SLIT2: variants seen among roughly 807,000 people sequenced by gnomAD.
SLIT2 encodes the protein slit guidance ligand 2.
SLIT2 carries 41 observed loss-of-function variants against 185.7 expected under a neutral mutation model. That is an observed-to-expected ratio of 0.22 (90% CI 0.17 to 0.29). The LOEUF (loss-of-function observed/expected upper bound fraction) is 0.29, where lower values mean the gene tolerates loss of function less well. SLIT2 is among the 10% of genes least tolerant of loss of function. SLIT2 has a pLI of 1.00. For synonymous variants in SLIT2, 693 were observed against 680.2 expected (o/e 1.02, Z -0.29); for missense variants, 1,571 against 1,909.0 (o/e 0.82, Z 3.30).
chr4:20,343,291 A>G lies in SLIT2; in HGVS notation c.395+74410A>G, dbSNP rs1055861993. 5.9e-5 allele frequency among the ~76,000 whole-genome samples: 9 copies of G among 152,042 alleles called. No individual in the cohort carries two copies. The East Asian group carries it at 1.7e-3, about 29-fold the overall frequency. On this transcript the variant is annotated intron_variant, in intron 4 of 36. Coordinates refer to ENST00000504154, the MANE Select transcript of SLIT2 (RefSeq NM_004787.4). ...ATTACTTCGTGGGGTCAACATTTTT[A>G]GCTCCCACATATAAATGAGAACATG...
intron 4 of SLIT2, among the ~76,000 whole-genome samples, chr4:20,349,866 A>G (rs912682963): frequency 2.0e-5 from 3 of 152,160 alleles, no homozygotes; most frequent in African/African-American, 4.8e-5. Flanking sequence ...TGCACTACAC[A>G]TCTTTCTGTC....
At chr4:20,563,215 A>G (rs182210181) in intron 26 of SLIT2, among the ~76,000 whole-genome samples, 5 of 151,912 alleles carry the variant, frequency 3.3e-5, no homozygotes, top group African/African-American at 9.7e-5. Context: ...TCTCTTAATC[A>G]AAACCAAATC....
intron 4 of SLIT2, among the ~76,000 whole-genome samples, chr4:20,451,233 A>C (rs1712436710): frequency 6.6e-6 from 1 of 152,150 alleles, no homozygotes; most frequent in South Asian, 2.1e-4. Context: ...ACTCAGTCAC[A>C]CTTAGTGATG....
intron 9 of SLIT2, 95 bp downstream of exon 9, chr4:20,491,994 T>A: frequency 1.7e-6 from 2 of 1,198,192 alleles, no homozygotes; most frequent in Admixed American, 2.1e-5. Flanking sequence ...AAGGCACATC[T>A]GATCAATTGG....
intron 4 of SLIT2, among the ~76,000 whole-genome samples, chr4:20,368,661 C>T (rs1274658982): frequency 2.0e-5 from 3 of 152,056 alleles, no homozygotes; most frequent in Non-Finnish European, 4.4e-5. Context: ...AATTTGGACT[C>T]TCAGTCTAGT....
intron 29 of SLIT2, chr4:20,573,130 A>C: frequency 1.5e-6 from 1 of 686,572 alleles, no homozygotes; most frequent in South Asian, 1.5e-5. Context: ...TTGCTCGCCC[A>C]CCCCTGCTTC....
intron 4 of SLIT2, among the ~76,000 whole-genome samples, chr4:20,309,292 G>A (rs66478358): frequency 0.24 from 36,231 of 151,850 alleles, 5,245 homozygotes; most frequent in East Asian, 0.6. Context: ...ACCAATTATA[G>A]CATTCTTTGC....
Position 20,401,239 on chromosome 4 carries a change from G to A in SLIT2, c.396-66513G>A, listed in dbSNP as rs184130273. ...ATGTCTCAATCACCACAAGGACACT[G>A]TCTTGAAAGAACGTTGTCTCTCCAT... On this transcript the variant is annotated intron_variant, in intron 4 of 36. Transcript: ENST00000504154. Among the ~76,000 whole-genome samples, 4 of 151,992 alleles carry A rather than the reference G, an allele frequency of 2.6e-5. No homozygotes were observed. In the East Asian group the frequency reaches 7.8e-4, roughly 30 times the overall value.
chr4:20,433,654 C>G (rs2109510226), intron 4 of SLIT2, among the ~76,000 whole-genome samples: 2 of 152,276 alleles, frequency 1.3e-5, no homozygotes, highest in African/African-American at 4.8e-5. Context: ...AATAGTAATT[C>G]AGGGCCATGT....
chr4:20,396,561 G>C (rs1490531102), intron 4 of SLIT2, among the ~76,000 whole-genome samples: 1 of 151,702 alleles, frequency 6.6e-6, no homozygotes, highest in Non-Finnish European at 1.5e-5. Context: ...GTACAGATAA[G>C]TGAAAAGAGT....
intron 9 of SLIT2, among the ~76,000 whole-genome samples, chr4:20,497,364 C>T (rs1028559650): frequency 3.9e-5 from 6 of 151,944 alleles, no homozygotes; most frequent in Admixed American, 3.9e-4. Context: ...ACTCTCAAGC[C>T]CATGGTCCTA....
intron 27 of SLIT2, 61 bp downstream of exon 27, chr4:20,567,447 A>G: frequency 6.2e-7 from 1 of 1,611,122 alleles, no homozygotes; most frequent in Non-Finnish European, 8.5e-7. Flanking sequence ...GTGTGCCTTT[A>G]TTATTCTACT....
chr4:20,322,787 C>A (rs1719213335), intron 4 of SLIT2, among the ~76,000 whole-genome samples: 1 of 152,086 alleles, frequency 6.6e-6, no homozygotes, highest in Admixed American at 6.6e-5. Flanking sequence ...CACAGGACTT[C>A]TTTATAGGTT....
At chr4:20,361,772 ATTTTAT>A (rs537441546) in intron 4 of SLIT2, among the ~76,000 whole-genome samples, 206 of 152,202 alleles carry the variant, frequency 1.4e-3, no homozygotes, top group Admixed American at 1.8e-3. Flanking sequence ...CTCTAAGTAT[ATTTTAT>A]TTTTAATTTT....
At chr4:20,534,253 T>C (rs520535) in intron 18 of SLIT2, among the ~76,000 whole-genome samples, 51,169 of 152,074 alleles carry the variant, frequency 0.34, 8,832 homozygotes, top group Middle Eastern at 0.44. Context: ...ACTACTGTTT[T>C]TTGCCCCTGC....
At chr4:20,345,028 C>G (rs540922129) in intron 4 of SLIT2, among the ~76,000 whole-genome samples, 1 of 152,136 alleles carries the variant, frequency 6.6e-6, no homozygotes, top group East Asian at 1.9e-4. Context: ...GTCATACCCA[C>G]CATTAATTAT....
intron 4 of SLIT2, among the ~76,000 whole-genome samples, chr4:20,385,440 A>G: frequency 6.6e-6 from 1 of 152,140 alleles, no homozygotes. Context: ...GGAGATGTGA[A>G]TATATCAGTG....
At chr4:20,431,950 T>G (rs1217949018) in intron 4 of SLIT2, among the ~76,000 whole-genome samples, 1 of 152,028 alleles carries the variant, frequency 6.6e-6, no homozygotes, top group Non-Finnish European at 1.5e-5. Flanking sequence ...TCTCTCTCTC[T>G]TTCTCTTTCT....
chr4:20,393,150 T>C (rs1385159715), intron 4 of SLIT2, among the ~76,000 whole-genome samples: 6 of 152,088 alleles, frequency 3.9e-5, no homozygotes, highest in Non-Finnish European at 7.4e-5. Context: ...TATAATCTTA[T>C]AGGACCATCA....
Sources: gnomAD v4.1 joint callset for allele counts (sites outside exome capture counted in the v4.1 genomes callset) on GRCh38, gnomAD v4.1.1 for gene constraint, MANE v1.5 for transcripts, NCBI Gene and HGNC (gene_info 2026-07-23, HGNC 2026-07-21) for gene names.